The following WSCD2 variants were observed in gnomAD, a reference collection of about 807,000 sequenced individuals.
WSCD2 encodes sialate:O-sulfotransferase 2.
In WSCD2, 28 loss-of-function variants were observed where a neutral mutation model predicts 55.7. The observed-to-expected ratio is 0.50, with a 90% CI of 0.37 to 0.69. WSCD2 has a LOEUF of 0.69. WSCD2 is among the 30% of genes least tolerant of loss of function. The pLI, the probability that WSCD2 is intolerant of heterozygous loss-of-function variation, is 0.00. For missense variants in WSCD2, 616 were observed against 762.1 expected, an observed-to-expected ratio of 0.81 and a Z score of 2.26; for synonymous variants, 301 against 301.9, an observed-to-expected ratio of 1.00 and a Z score of 0.03.
chr12:108,136,559 T>G (rs1444091490), intron 1 of WSCD2, among the ~76,000 whole-genome samples: 1 of 152,158 alleles, frequency 6.6e-6, no homozygotes, highest in African/African-American at 2.4e-5. Context: ...GTAATCAGAC[T>G]TCACTTCCAT....
chr12:108,238,188 T>G (rs950647998), intron 7 of WSCD2, among the ~76,000 whole-genome samples: 2 of 152,204 alleles, frequency 1.3e-5, no homozygotes, highest in African/African-American at 4.8e-5. Flanking sequence ...TTCCTCATTC[T>G]CCTCTGGAGG....
chr12:108,206,977 CA>C (rs1262437613), intron 3 of WSCD2, among the ~76,000 whole-genome samples: 3 of 152,208 alleles, frequency 2.0e-5, no homozygotes, highest in African/African-American at 4.8e-5. Flanking sequence ...AATAGTTTCT[CA>C]ATATATAAAC....
In WSCD2 at chr12:108,235,931, G is replaced by A. The variant is rs549975389; in HGVS notation, c.1144+3036G>A. On this transcript the variant is annotated intron_variant, in intron 7 of 8. Coordinates refer to ENST00000547525, the MANE Select transcript of WSCD2 (RefSeq NM_014653.4). ...CCCCCCAACAGCATCAGTCAATCTA[G>A]CTAACCCTGCCCAGTCTCTCCCCAC... Among the ~76,000 whole-genome samples the A allele has an allele frequency of 5.1e-4, 78 of 152,276 alleles. 1 individual carries two copies. In the South Asian group the frequency reaches 0.015, roughly 29 times the overall value.
At chr12:108,196,418 C>A in intron 2 of WSCD2, 1 of 798,444 alleles carries the variant, frequency 1.3e-6, no homozygotes, top group Non-Finnish European at 1.9e-6. Context: ...TGCCCAAGGT[C>A]ACACAGCTTG....
rs766005863 is a variant in WSCD2, at chr12:108,195,869, C to T, written c.37C>T (p.Arg13Cys). ...KLWFKFQRYF[R>C]RKPVRFFTFL... ...CTGGTTCAAATTCCAGCGGTACTTCCGCCGGAAACCTGTGCGCTTCTTTAC... is the reference window on the plus strand; with the variant it reads ...CTGGTTCAAATTCCAGCGGTACTTCTGCCGGAAACCTGTGCGCTTCTTTAC... Residue 13 changes from arginine (R) to cysteine (C), a missense_variant, in exon 2 of 9, where the codon CGC becomes TGC. Transcript: ENST00000547525. 49 of 1,613,616 alleles carry T rather than the reference C, an allele frequency of 3.0e-5. No homozygotes were observed. The highest frequency in any genetic ancestry group is 1.6e-4 in the Middle Eastern group (1 of 6,082).
chr12:108,182,654 A>G (rs1013666412), intron 1 of WSCD2, among the ~76,000 whole-genome samples: 4 of 152,220 alleles, frequency 2.6e-5, no homozygotes, highest in Non-Finnish European at 5.9e-5. Flanking sequence ...GTAGAGGAGT[A>G]GTCAATTACG....
At position 108,227,933 on chromosome 12, in the gene WSCD2, G is replaced by T. The variant is rs1055602647; in HGVS notation, c.979+769G>T. ...GGAAGAGGAGGAGGCAGCAACACTT[G>T]GAGTTTCTTGAGGTCTTACTCTGTG... On this transcript the variant is annotated intron_variant, in intron 6 of 8. Coordinates refer to ENST00000547525, the MANE Select transcript of WSCD2 (RefSeq NM_014653.4). 5.1e-4 allele frequency among the ~76,000 whole-genome samples: 78 copies of T among 152,046 alleles called. 3 individuals are homozygous for T. Among genetic ancestry groups the T allele is most frequent in the Non-Finnish European group, 8.8e-5 (6 of 68,012 alleles).
chr12:108,208,568 C>G (rs1350282796), intron 3 of WSCD2, among the ~76,000 whole-genome samples: 1 of 152,126 alleles, frequency 6.6e-6, no homozygotes. Flanking sequence ...TAACAGCATG[C>G]TCAAAGGCCA....
At chr12:108,162,245 C>T (rs1879145840) in intron 1 of WSCD2, among the ~76,000 whole-genome samples, 1 of 152,218 alleles carries the variant, frequency 6.6e-6, no homozygotes, top group African/African-American at 2.4e-5. Flanking sequence ...CTCCTTTGGG[C>T]TTCTTCAGCA....
chr12:108,156,126 C>A (rs948502997), intron 1 of WSCD2, among the ~76,000 whole-genome samples: 4 of 152,168 alleles, frequency 2.6e-5, no homozygotes, highest in Admixed American at 6.5e-5. Context: ...TTTTATTTGG[C>A]TTTGCGTTGT....
intron 1 of WSCD2, among the ~76,000 whole-genome samples, chr12:108,154,389 A>G (rs1878323252): frequency 6.6e-6 from 1 of 152,090 alleles, no homozygotes; most frequent in Non-Finnish European, 1.5e-5. Flanking sequence ...CAGCAATTGT[A>G]TGCCTCTGGG....
intron 8 of WSCD2, among the ~76,000 whole-genome samples, chr12:108,242,485 G>A (rs1263304814): frequency 6.6e-6 from 1 of 152,162 alleles, no homozygotes; most frequent in Non-Finnish European, 1.5e-5. Context: ...AAAGACCTGG[G>A]AGATCAGTGA....
rs1886075912 is a variant in WSCD2 at position 108,210,980 on chromosome 12, G to A, written c.682+675G>A. ...ACAGGAGCTGGCTCCTTGTCTGAGGGCACTCCTGGGTCCCCTCCTGGGGAC... is the reference window on the plus strand; with the variant it reads ...ACAGGAGCTGGCTCCTTGTCTGAGGACACTCCTGGGTCCCCTCCTGGGGAC... On this transcript the variant is annotated intron_variant, in intron 4 of 8. Coordinates refer to ENST00000547525, the MANE Select transcript of WSCD2 (RefSeq NM_014653.4). This position sits in a 1 kb window ranked among gnomAD's most constrained non-coding sequence, Gnocchi z 4.3. Among the ~76,000 whole-genome samples the A allele has an allele frequency of 6.6e-6, 1 of 152,232 alleles. No individual in the cohort carries two copies. Among genetic ancestry groups the A allele is most frequent in the Non-Finnish European group, 1.5e-5 (1 of 68,038 alleles).
intron 7 of WSCD2, among the ~76,000 whole-genome samples, chr12:108,237,677 C>T (rs1012235762): frequency 6.6e-6 from 1 of 152,238 alleles, no homozygotes; most frequent in Non-Finnish European, 1.5e-5. Flanking sequence ...CTCTGGGAGA[C>T]ATTCTGCTAA....
At chr12:108,233,285 T>G (rs972915769) in intron 7 of WSCD2, among the ~76,000 whole-genome samples, 1 of 152,246 alleles carries the variant, frequency 6.6e-6, no homozygotes, top group Non-Finnish European at 1.5e-5. Flanking sequence ...AAGTTCACTT[T>G]GGGGACATTT....
intron 8 of WSCD2, among the ~76,000 whole-genome samples, chr12:108,243,368 G>C (rs1286434886): frequency 6.6e-6 from 1 of 152,108 alleles, no homozygotes; most frequent in Non-Finnish European, 1.5e-5. Flanking sequence ...CTCCCAAGTA[G>C]CTGGGACTAC....
At chr12:108,188,647 C>A (rs993041479) in intron 1 of WSCD2, among the ~76,000 whole-genome samples, 1 of 152,068 alleles carries the variant, frequency 6.6e-6, no homozygotes, top group African/African-American at 2.4e-5. Flanking sequence ...GGTCCACCAC[C>A]AAGAAGGGTG....
At chr12:108,208,517 G>C (rs927541393) in intron 3 of WSCD2, among the ~76,000 whole-genome samples, 8 of 152,286 alleles carry the variant, frequency 5.3e-5, no homozygotes, top group Admixed American at 5.2e-4. Context: ...CATAAGCTGG[G>C]TTTTGAAGGA....
intron 3 of WSCD2, among the ~76,000 whole-genome samples, chr12:108,207,737 G>A (rs533059586): frequency 3.9e-4 from 59 of 151,898 alleles, no homozygotes; most frequent in African/African-American, 1.4e-3. Context: ...CAGCTGCCTA[G>A]GGAGCCCACT....
Sources: gnomAD v4.1 joint callset for allele counts (sites outside exome capture counted in the v4.1 genomes callset) on GRCh38, gnomAD v4.1.1 for gene constraint, Gnocchi (gnomAD v3.1) non-coding constraint, MANE v1.5 for transcripts, NCBI Gene and HGNC (gene_info 2026-07-23, HGNC 2026-07-21) for gene names.